The following STRBP variants were observed in gnomAD, a reference collection of about 807,000 sequenced individuals.
STRBP encodes spermatid perinuclear RNA binding protein.
A neutral mutation model predicts 80.1 loss-of-function variants in STRBP; 13 were observed. The ratio of observed to expected loss-of-function variants is 0.16; its 90% confidence interval spans 0.11 to 0.26. The LOEUF (loss-of-function observed/expected upper bound fraction) is 0.26, where lower values mean the gene tolerates loss of function less well. Among genes scored for constraint, STRBP ranks in the 10% least tolerant of loss-of-function variants. STRBP has a pLI of 1.00. For synonymous variants in STRBP, 284 were observed against 291.2 expected (o/e 0.98, Z 0.25); for missense variants, 485 against 815.2 (o/e 0.59, Z 4.93).
At chr9:123,134,352 A>G (rs1185221019) in intron 16 of STRBP, among the ~76,000 whole-genome samples, 1 of 152,220 alleles carries the variant, frequency 6.6e-6, no homozygotes, top group Non-Finnish European at 1.5e-5. Context: ...TGAAAATGCA[A>G]CATCCTTTAT....
At chr9:123,181,954 G>A (rs1466102191) in intron 3 of STRBP, among the ~76,000 whole-genome samples, 4 of 151,278 alleles carry the variant, frequency 2.6e-5, no homozygotes, top group African/African-American at 2.4e-5. Context: ...AGTGGCTCAC[G>A]CCTGTAATCC....
intron 1 of STRBP, among the ~76,000 whole-genome samples, chr9:123,247,255 C>T (rs2132620565): frequency 6.6e-6 from 1 of 152,188 alleles, no homozygotes; most frequent in Non-Finnish European, 1.5e-5. Context: ...GAGGTGGATT[C>T]AAATCCCAGC....
At position 123,123,092 on chromosome 9, in the gene STRBP, C is replaced by G; in HGVS notation, c.*2505G>C. ...CTTAAGACCAAGACATAGAAATTGC[C>G]ATTTCAAGCCAGACAACCTGATGGT... On this transcript the variant is annotated 3_prime_UTR_variant, in exon 19 of 19. Coordinates refer to ENST00000348403, the MANE Select transcript of STRBP (RefSeq NM_018387.5). 1.0e-6 allele frequency: 1 copy of G among 985,398 alleles called. No homozygotes were observed. Among genetic ancestry groups the G allele is most frequent in the Non-Finnish European group, 1.2e-6 (1 of 829,936 alleles). 61.0% of individuals were successfully genotyped at this position (985,398 alleles called of 1,614,324 possible).
chr9:123,203,169 A>G (rs2039388030), intron 2 of STRBP, among the ~76,000 whole-genome samples: 1 of 152,008 alleles, frequency 6.6e-6, no homozygotes, highest in African/African-American at 2.4e-5. Flanking sequence ...CCTGGGCAAT[A>G]TAACAAGACC....
intron 2 of STRBP, among the ~76,000 whole-genome samples, chr9:123,198,417 T>A (rs2039185962): frequency 6.6e-6 from 1 of 152,032 alleles, no homozygotes; most frequent in South Asian, 2.1e-4. Flanking sequence ...GGATTACAGG[T>A]GTGAGCCACG....
chr9:123,244,294 G>C (rs1019122283), intron 1 of STRBP, among the ~76,000 whole-genome samples: 1 of 152,180 alleles, frequency 6.6e-6, no homozygotes, highest in Non-Finnish European at 1.5e-5. Context: ...TGGTTGCCAC[G>C]AACTGGGGGT....
At chr9:123,233,264 G>A (rs1471815489) in intron 2 of STRBP, among the ~76,000 whole-genome samples, 1 of 152,062 alleles carries the variant, frequency 6.6e-6, no homozygotes, top group Non-Finnish European at 1.5e-5. Flanking sequence ...TAGAGATGGG[G>A]GGGTCTCACT....
chr9:123,201,901 A>G (rs1166994155), intron 2 of STRBP, among the ~76,000 whole-genome samples: 1 of 152,220 alleles, frequency 6.6e-6, no homozygotes, highest in African/African-American at 2.4e-5. Context: ...GTCTAGCAGT[A>G]ATCGTTTTAC....
intron 18 of STRBP, 75 bp downstream of exon 18, chr9:123,128,139 A>AT: frequency 6.4e-7 from 1 of 1,555,208 alleles, no homozygotes; most frequent in African/African-American, 1.4e-5. Context: ...ATTTACAAAA[A>AT]CCCTAGATAG....
At chr9:123,140,334 C>A (rs1404491415) in intron 13 of STRBP, among the ~76,000 whole-genome samples, 1 of 152,218 alleles carries the variant, frequency 6.6e-6, no homozygotes, top group East Asian at 1.9e-4. Context: ...GTGGCTCATG[C>A]CTGTAATCCC....
intron 2 of STRBP, among the ~76,000 whole-genome samples, chr9:123,195,718 A>G (rs1248297029): frequency 6.6e-6 from 1 of 152,236 alleles, no homozygotes; most frequent in Non-Finnish European, 1.5e-5. Flanking sequence ...AATTGAAAAG[A>G]TATTCTATAT....
intron 2 of STRBP, among the ~76,000 whole-genome samples, 183 bp downstream of exon 2, chr9:123,236,647 T>C (rs1035626232): frequency 4.1e-5 from 6 of 147,974 alleles, no homozygotes; most frequent in Non-Finnish European, 9.0e-5. Context: ...AAAAATTGAA[T>C]AGGATTTTCT....
At position 123,157,262 on chromosome 9, in the gene STRBP, T is replaced by C. The variant is rs377095981; in HGVS notation, c.1045+750A>G. Among the ~76,000 whole-genome samples, 30 of 152,322 alleles carry C rather than the reference T, an allele frequency of 2.0e-4. No homozygotes were observed. In the South Asian group the frequency reaches 6.0e-3, roughly 30 times the overall value. The stretch of plus-strand genomic sequence containing the variant: ...TATTTTTCTTTCTTTCTCAGTTAGA[T>C]AACATTTCCAAGCTTGAGAAAGATA... On this transcript the variant is annotated intron_variant, in intron 11 of 18. Transcript: ENST00000348403.
intron 2 of STRBP, among the ~76,000 whole-genome samples, chr9:123,208,033 T>C (rs1386325866): frequency 6.6e-6 from 1 of 152,106 alleles, no homozygotes; most frequent in Non-Finnish European, 1.5e-5. Context: ...CTTCCGGTAC[T>C]AGCAAAATAA....
chr9:123,221,414 G>A (rs2040063097), intron 2 of STRBP, among the ~76,000 whole-genome samples: 1 of 152,010 alleles, frequency 6.6e-6, no homozygotes, highest in South Asian at 2.1e-4. Context: ...AAAAACAAGG[G>A]GTTGGATTAG....
Position 123,173,678 on chromosome 9 carries a change from T to C in STRBP, c.389A>G (p.Gln130Arg). 2 of 1,608,922 alleles carry C rather than the reference T, an allele frequency of 1.2e-6. No homozygotes were observed. Among genetic ancestry groups the C allele is most frequent in the Non-Finnish European group, 1.7e-6 (2 of 1,178,356 alleles). Residue 130 changes from glutamine to arginine, a missense_variant and splice_region_variant, in exon 5 of 19, where the codon CAG (glutamine) becomes CGG (arginine). Gln to Arg is a conservative substitution (Grantham distance 43). This residue lies in a region of STRBP where 377 missense variants were observed against 616.1 expected (regional missense o/e 0.61). Coordinates refer to ENST00000348403, the MANE Select transcript of STRBP (RefSeq NM_018387.5). ...GAGGTGCAGTTAAACTGTACTCACC[T>C]GAATCTGAATAGGAAGATTATCTTT... is the stretch of plus-strand genomic sequence containing the variant. ...TVKDNLPIQI[Q>R]KLTEEKYQVE...
At chr9:123,135,525 C>T (rs554320344) in intron 16 of STRBP, among the ~76,000 whole-genome samples, 3 of 152,328 alleles carry the variant, frequency 2.0e-5, no homozygotes, top group African/African-American at 7.2e-5. Context: ...AGATCCTGGA[C>T]ATTCAGTAGC....
intron 6 of STRBP, among the ~76,000 whole-genome samples, chr9:123,169,092 C>T (rs2037895774): frequency 6.6e-6 from 1 of 151,760 alleles, no homozygotes; most frequent in Non-Finnish European, 1.5e-5. Flanking sequence ...CACTATAAAA[C>T]AAATCTAGAC....
intron 1 of STRBP, among the ~76,000 whole-genome samples, chr9:123,256,484 T>A (rs937548518): frequency 1.3e-5 from 2 of 152,206 alleles, no homozygotes; most frequent in Non-Finnish European, 2.9e-5. Flanking sequence ...AATTGATATA[T>A]ACAACGGTTA....
Sources: allele counts gnomAD v4.1 joint callset (sites outside exome capture counted in the v4.1 genomes callset), GRCh38; gene constraint gnomAD v4.1.1; regional missense constraint gnomAD v4.1.1; transcripts MANE v1.5; gene names NCBI Gene and HGNC (gene_info 2026-07-23, HGNC 2026-07-21).